The following MYO5B variants were observed in gnomAD, a reference collection of about 807,000 sequenced individuals.
The protein encoded by MYO5B is myosin VB.
In MYO5B, 143 loss-of-function variants were observed where a neutral mutation model predicts 229.3. The observed-to-expected ratio is 0.62, with a 90% confidence interval of 0.54 to 0.72. The LOEUF (loss-of-function observed/expected upper bound fraction) is 0.72. MYO5B is among the 30% of genes least tolerant of loss of function. The probability of loss-of-function intolerance (pLI) is 0.00; values close to 1 mark genes in which losing one functional copy is unlikely to be tolerated. For synonymous variants in MYO5B, 918 were observed against 885.2 expected (o/e 1.04, Z -0.66); for missense variants, 2,321 against 2,331.0 (o/e 1.00, Z 0.09).
At chr18:49,879,204 A>G in intron 23 of MYO5B, 114 bp from the exon 24 acceptor site, 1 of 1,307,830 alleles carries the variant, frequency 7.6e-7, no homozygotes, top group Admixed American at 1.7e-5. Context: ...AGCTCATCAG[A>G]GGCTCTTGAT....
intron 1 of MYO5B, among the ~76,000 whole-genome samples, chr18:50,130,501 G>C (rs1472046787): frequency 6.6e-6 from 1 of 152,104 alleles, no homozygotes; most frequent in African/African-American, 2.4e-5. Context: ...TGTGGCTCTA[G>C]GAAGGTCTTC....
At chr18:50,186,591 G>A (rs1482339315) in intron 1 of MYO5B, among the ~76,000 whole-genome samples, 1 of 152,024 alleles carries the variant, frequency 6.6e-6, no homozygotes, top group East Asian at 1.9e-4. Context: ...ACCCCTTCAG[G>A]ACAGCAGGGA....
intron 1 of MYO5B, among the ~76,000 whole-genome samples, chr18:50,174,100 T>C (rs911129630): frequency 1.3e-5 from 2 of 152,208 alleles, no homozygotes; most frequent in African/African-American, 4.8e-5. Flanking sequence ...AGTTGGGACA[T>C]TGATCTTCTC....
chr18:50,125,673 A>T lies in MYO5B; in HGVS notation c.27+69094T>A, dbSNP rs192322889. Among the ~76,000 whole-genome samples the T allele has an allele frequency of 3.5e-3, 534 of 152,306 alleles. 4 individuals are homozygous for T. Among genetic ancestry groups the T allele is most frequent in the Non-Finnish European group, 4.3e-3 (291 of 68,024 alleles). On this transcript the variant is annotated intron_variant, in intron 1 of 39. Transcript: ENST00000285039. ...AATTCTACTTCTAGGAATGTAACTG[A>T]GAGAATCAACAGCAGGAATTCAAAC...
At chr18:49,964,306 C>A (rs2025597410) in intron 10 of MYO5B, among the ~76,000 whole-genome samples, 1 of 152,160 alleles carries the variant, frequency 6.6e-6, no homozygotes. Flanking sequence ...TTGAGTTAGC[C>A]TTTACACACA....
At chr18:50,158,425 A>T (rs2032715101) in intron 1 of MYO5B, among the ~76,000 whole-genome samples, 1 of 152,096 alleles carries the variant, frequency 6.6e-6, no homozygotes, top group African/African-American at 2.4e-5. Flanking sequence ...TGGACTTTTC[A>T]TCTACATTTT....
chr18:50,100,908 G>A (rs1210326639), intron 1 of MYO5B, among the ~76,000 whole-genome samples: 1 of 152,208 alleles, frequency 6.6e-6, no homozygotes, highest in Non-Finnish European at 1.5e-5. Flanking sequence ...TCTGCTTTGG[G>A]AGGGACAGGG....
chr18:50,084,893 C>T (rs1233414351), intron 1 of MYO5B, among the ~76,000 whole-genome samples: 1 of 152,140 alleles, frequency 6.6e-6, no homozygotes, highest in Non-Finnish European at 1.5e-5. Flanking sequence ...CCCTTCCTTA[C>T]ACCTTATACA....
At chr18:49,927,318 T>C (rs1414549411) in intron 17 of MYO5B, among the ~76,000 whole-genome samples, 2 of 149,816 alleles carry the variant, frequency 1.3e-5, no homozygotes, top group Non-Finnish European at 3.0e-5. Context: ...ACAAATTCAA[T>C]GCAATTCCCA....
intron 1 of MYO5B, among the ~76,000 whole-genome samples, chr18:50,141,196 C>T (rs182811773): frequency 6.6e-6 from 1 of 152,200 alleles, no homozygotes; most frequent in Non-Finnish European, 1.5e-5. Context: ...GACAGGCCCA[C>T]CCATGTGCCA....
chr18:50,083,111 C>T (rs968806791), intron 1 of MYO5B, among the ~76,000 whole-genome samples: 1 of 152,184 alleles, frequency 6.6e-6, no homozygotes, highest in Non-Finnish European at 1.5e-5. Flanking sequence ...TTACTTACTA[C>T]TATCAGTTTA....
intron 21 of MYO5B, among the ~76,000 whole-genome samples, chr18:49,897,730 T>C (rs987494546): frequency 1.3e-5 from 2 of 152,244 alleles, no homozygotes; most frequent in African/African-American, 2.4e-5. Flanking sequence ...ACTCCAAGGT[T>C]AATTATTGAA....
chr18:49,984,569 G>A (rs1288932636), intron 8 of MYO5B, 149 bp downstream of exon 8: 1 of 706,712 alleles, frequency 1.4e-6, no homozygotes, highest in Non-Finnish European at 2.6e-6. Flanking sequence ...ATGGGTAAGA[G>A]AGTAAGAGAT....
At chr18:49,842,362 C>A (rs2144039817) in intron 34 of MYO5B, among the ~76,000 whole-genome samples, 1 of 152,322 alleles carries the variant, frequency 6.6e-6, no homozygotes, top group Admixed American at 6.5e-5. Flanking sequence ...AATGCAGCTA[C>A]TGAGGGCAGG....
At chr18:49,856,339 C>T (rs952885559) in intron 30 of MYO5B, among the ~76,000 whole-genome samples, 9 of 152,212 alleles carry the variant, frequency 5.9e-5, no homozygotes, top group African/African-American at 2.2e-4. Context: ...AGCACACATA[C>T]TGATGGCAGG....
chr18:49,888,338 CG>C (rs1202437383), intron 22 of MYO5B, among the ~76,000 whole-genome samples: 17 of 152,114 alleles, frequency 1.1e-4, no homozygotes, highest in African/African-American at 1.7e-4. Flanking sequence ...AAAATCACCC[CG>C]ATTGAGAATC....
intron 21 of MYO5B, among the ~76,000 whole-genome samples, chr18:49,899,610 C>T (rs192088353): frequency 1.3e-3 from 200 of 152,348 alleles, no homozygotes; most frequent in Admixed American, 3.7e-3. Context: ...CCCAGCCATG[C>T]TACTTACTAG....
At chr18:50,110,228 TC>T (rs59538451) in intron 1 of MYO5B, among the ~76,000 whole-genome samples, 24,445 of 151,974 alleles carry the variant, frequency 0.16, 3,691 homozygotes, top group African/African-American at 0.4. Flanking sequence ...CACCATCACC[TC>T]CCTCACCCCA....
chr18:50,035,495 A>G (rs962443697), intron 4 of MYO5B, among the ~76,000 whole-genome samples: 5 of 152,254 alleles, frequency 3.3e-5, no homozygotes, highest in African/African-American at 1.2e-4. Context: ...GAATCCGTTC[A>G]GTCCCAAGGC....
Sources: allele counts gnomAD v4.1 joint callset (sites outside exome capture counted in the v4.1 genomes callset), GRCh38; gene constraint gnomAD v4.1.1; transcripts MANE v1.5; gene names NCBI Gene and HGNC (gene_info 2026-07-23, HGNC 2026-07-21).